Variants in ABR observed in about 807,000 individuals in gnomAD.
ABR encodes the protein active breakpoint cluster region-related protein.
Under a neutral mutation model 107.2 loss-of-function variants are expected in ABR, and 35 were observed. The ratio of observed to expected loss-of-function variants is 0.33; its 90% CI spans 0.25 to 0.43. ABR has a LOEUF of 0.43. Among genes scored for constraint, ABR ranks in the 20% least tolerant of loss-of-function variants. The pLI is 1.00. For synonymous variants in ABR, 498 were observed against 462.0 expected (o/e 1.08, Z -1.00); for missense variants, 815 against 1,115.2 (o/e 0.73, Z 3.83).
chr17:1,050,704 G>C lies in ABR; in HGVS notation c.1562-70C>G, dbSNP rs1004827673. 1 of 1,200,972 alleles carries C rather than the reference G, an allele frequency of 8.3e-7. No individual in the cohort carries two copies. The highest frequency in any genetic ancestry group is 1.2e-6 in the Non-Finnish European group (1 of 807,460). The allele number at this position is 1,200,972 out of a possible 1,614,324, so 74.4% of individuals were successfully genotyped here. On this transcript the variant is annotated intron_variant, in intron 14 of 22. Transcript: ENST00000302538. The surrounding 1 kb of genome is among the most constrained non-coding windows in gnomAD (Gnocchi z 4.6). ...GGTGGGGCAGCTGGGGCGGCACTCA[G>C]GATGGAGGGGGACATCGCATCTGTC... is the stretch of plus-strand genomic sequence containing the variant.
chr17:1,085,297 T>C (rs1335407219), intron 4 of ABR, among the ~76,000 whole-genome samples: 5 of 150,046 alleles, frequency 3.3e-5, no homozygotes. Context: ...TATTTTTTTT[T>C]AGTAGAGACG....
intron 1 of ABR, among the ~76,000 whole-genome samples, chr17:1,197,914 A>G (rs1036733002): frequency 6.6e-6 from 1 of 151,640 alleles, no homozygotes; most frequent in African/African-American, 2.4e-5. Context: ...GGGGGCAAAT[A>G]CACCCTGCTG....
rs970250913 is a variant in ABR at position 1,179,112 on chromosome 17, C to T, written c.61+555G>A. ...ATTTTCAGCTCCCGCATCCAAACGG[C>T]CCCCGCGGATATCTGCACCCCCCGT... On this transcript the variant is annotated intron_variant, in intron 1 of 22. Transcript: ENST00000302538. This position sits in a 1 kb window ranked among gnomAD's most constrained non-coding sequence, Gnocchi z 4.9. 6.6e-6 allele frequency among the ~76,000 whole-genome samples: 1 copy of T among 151,888 alleles called. No homozygotes were observed. Among genetic ancestry groups the T allele is most frequent in the South Asian group, 2.1e-4 (1 of 4,816 alleles).
At position 1,010,522 on chromosome 17, in the gene ABR, G is replaced by T; in HGVS notation, c.2236+207C>A. ...CTGCCCATGGGGACATCAGGGGCAAGAGGCAGGCGAGAAAGGGCCCAGTGT... is the reference window on the plus strand; with the variant it reads ...CTGCCCATGGGGACATCAGGGGCAATAGGCAGGCGAGAAAGGGCCCAGTGT... On this transcript the variant is annotated intron_variant, in intron 20 of 22. Coordinates refer to ENST00000302538, the MANE Select transcript of ABR (RefSeq NM_021962.5). This position sits in a 1 kb window ranked among gnomAD's most constrained non-coding sequence, Gnocchi z 4.1. 1.6e-6 allele frequency: 1 copy of T among 632,324 alleles called. No homozygotes were observed. Among genetic ancestry groups the T allele is most frequent in the Non-Finnish European group, 2.7e-6 (1 of 372,884 alleles). 39.2% of individuals were successfully genotyped at this position (632,324 alleles called of 1,614,324 possible).
chr17:1,134,167 C>G (rs1294939549), intron 1 of ABR, among the ~76,000 whole-genome samples: 2 of 152,080 alleles, frequency 1.3e-5, no homozygotes, highest in Non-Finnish European at 2.9e-5. Context: ...AATCCCAGCA[C>G]TTTGGGAGGC....
chr17:1,032,268 G>A (rs2072867267), intron 16 of ABR, among the ~76,000 whole-genome samples: 1 of 152,092 alleles, frequency 6.6e-6, no homozygotes, highest in East Asian at 1.9e-4. Flanking sequence ...CCCAACTTCT[G>A]CCCCAGGCAC....
chr17:1,220,980 C>T (rs1026676779), intron 1 of ABR, among the ~76,000 whole-genome samples: 6 of 152,160 alleles, frequency 3.9e-5, no homozygotes, highest in African/African-American at 1.4e-4. Context: ...TACTGCCTTG[C>T]ACAGGGCCGT....
At position 1,179,602 on chromosome 17, in the gene ABR, T is replaced by C; in HGVS notation, c.61+65A>G. 7.1e-7 allele frequency: 1 copy of C among 1,409,336 alleles called. No homozygotes were observed. 87.3% of individuals were successfully genotyped at this position (1,409,336 alleles called of 1,614,324 possible). A position where few individuals can be genotyped will look rare whatever the true frequency, so the allele number is the denominator to read the frequency against. Reference sequence around the variant, plus strand: ...TGGGGTCCCGATCCCGATCCTGGGGTCCCGATCTCCATCCTGGGGTCCCGA... The same window carrying C: ...TGGGGTCCCGATCCCGATCCTGGGGCCCCGATCTCCATCCTGGGGTCCCGA... On this transcript the variant is annotated intron_variant, in intron 1 of 22. Transcript: ENST00000302538. This position sits in a 1 kb window ranked among gnomAD's most constrained non-coding sequence, Gnocchi z 4.9.
At chr17:1,158,758 G>C (rs1261787337) in intron 1 of ABR, among the ~76,000 whole-genome samples, 1 of 150,850 alleles carries the variant, frequency 6.6e-6, no homozygotes, top group East Asian at 2.0e-4. Flanking sequence ...GCAAGACTCT[G>C]TCTTAAAAAA....
rs150623481 is a variant in ABR, at chr17:1,066,528, C to T, written c.1182+549G>A. Among the ~76,000 whole-genome samples the T allele has an allele frequency of 1.4e-3, 206 of 152,062 alleles. 1 individual carries two copies. Among genetic ancestry groups the T allele is most frequent in the African/African-American group, 4.8e-3 (199 of 41,476 alleles). On this transcript the variant is annotated intron_variant, in intron 10 of 22. Transcript: ENST00000302538. Reference sequence around the variant, plus strand: ...TTTCTTCTCTTGCTTCCCTCTACCTCCACTTTTTTTTTTTGTTTTTGACAG... The same window carrying T: ...TTTCTTCTCTTGCTTCCCTCTACCTTCACTTTTTTTTTTTGTTTTTGACAG...
In ABR at chr17:1,118,356, G is replaced by A. The variant is rs1267631152; in HGVS notation, c.246+6827C>T. On this transcript the variant is annotated intron_variant, in intron 2 of 22. Coordinates refer to ENST00000302538, the MANE Select transcript of ABR (RefSeq NM_021962.5). ...TGAGTCCTCCCAGCATTATCCCTGA[G>A]CCTGAGTTCCTCCCAGCGTTATCCC... Among the ~76,000 whole-genome samples the A allele has an allele frequency of 2.7e-4, 8 of 29,192 alleles. 1 individual carries two copies. The highest frequency in any genetic ancestry group is 3.3e-4 in the Non-Finnish European group (5 of 15,370). 19.2% of individuals were successfully genotyped at this position (29,192 alleles called of 152,430 possible).
At chr17:1,188,173 A>G (rs2042352543), upstream of ABR, among the ~76,000 whole-genome samples, 1 of 151,776 alleles carries the variant, frequency 6.6e-6, no homozygotes, top group Non-Finnish European at 1.5e-5. Context: ...TACCACTAAC[A>G]CCCCAGCCTG....
Position 1,124,577 on chromosome 17 carries a change from A to G in ABR, c.246+606T>C, listed in dbSNP as rs118071545. 7.8e-3 allele frequency among the ~76,000 whole-genome samples: 1,195 copies of G among 152,342 alleles called. 46 individuals are homozygous for G. In the East Asian group the frequency reaches 0.11, roughly 15 times the overall value. ...ATGACAAGGACCGCAAACCCTCCACAGTTTCTATCCCTGGCCTGTCTCAGA... is the reference window on the plus strand; with the variant it reads ...ATGACAAGGACCGCAAACCCTCCACGGTTTCTATCCCTGGCCTGTCTCAGA... On this transcript the variant is annotated intron_variant, in intron 2 of 22. Transcript: ENST00000302538.
At chr17:1,229,586 G>T (rs2043297815) in exon 1 of ABR, among the ~76,000 whole-genome samples, 2 of 151,868 alleles carry the variant, frequency 1.3e-5, no homozygotes, top group African/African-American at 4.8e-5. Flanking sequence ...CCGCCCCGGG[G>T]AACTCGGCCC....
chr17:1,092,879 G>A lies in ABR; in HGVS notation c.346-1029C>T, dbSNP rs1477124131. Among the ~76,000 whole-genome samples the A allele has an allele frequency of 6.7e-6, 1 of 149,856 alleles. No homozygotes were observed. The highest frequency in any genetic ancestry group is 2.4e-5 in the African/African-American group (1 of 41,004). On this transcript the variant is annotated intron_variant, in intron 3 of 22. Coordinates refer to ENST00000302538, the MANE Select transcript of ABR (RefSeq NM_021962.5). The surrounding 1 kb of genome is among the most constrained non-coding windows in gnomAD (Gnocchi z 4.6). ...GGAGTCTCGCTCTGTCGCCCAGGCT[G>A]GAGTGCAGTGGTGCGATCTCGGCTC...
chr17:1,073,378 C>T (rs920934147), intron 7 of ABR, among the ~76,000 whole-genome samples: 20 of 152,024 alleles, frequency 1.3e-4, no homozygotes, highest in African/African-American at 3.6e-4. Context: ...CAGGAGGCAG[C>T]GGGTGGGGAA....
intron 1 of ABR, among the ~76,000 whole-genome samples, chr17:1,176,056 A>C (rs2041908361): frequency 6.6e-6 from 1 of 151,620 alleles, no homozygotes; most frequent in Non-Finnish European, 1.5e-5. Flanking sequence ...GTGCCACTGC[A>C]CTCCAGCTCC....
In ABR at chr17:1,050,111, G is replaced by A; in HGVS notation, c.1730C>T (p.Thr577Ile). The A allele has an allele frequency of 1.2e-6, 2 of 1,614,128 alleles. No homozygotes were observed. Among genetic ancestry groups the A allele is most frequent in the Non-Finnish European group, 1.7e-6 (2 of 1,180,032 alleles). The change falls in exon 16 of 23, where the codon ACC (threonine) becomes ATC (isoleucine). Residue 577 changes from threonine (T) to isoleucine (I), a missense_variant. By Grantham distance (89) the Thr-to-Ile change is moderately conservative. Coordinates refer to ENST00000302538, the MANE Select transcript of ABR (RefSeq NM_021962.5). The surrounding 1 kb of genome is among the most constrained non-coding windows in gnomAD (Gnocchi z 4.6). The stretch of plus-strand genomic sequence containing the variant: ...CTCATTGTTGTCCTTGTTGACCTTG[G>A]TCTTGTCATAGCACTTCTCATAGCA... ...ILCYEKCYDKTKVNKDNNEIV... is the reference protein window; with the variant it reads ...ILCYEKCYDKIKVNKDNNEIV...
chr17:1,190,891 C>A (rs2042416532), upstream of ABR, among the ~76,000 whole-genome samples: 1 of 152,242 alleles, frequency 6.6e-6, no homozygotes, highest in South Asian at 2.1e-4. Context: ...GATGGAAAAT[C>A]TGGCTTTCAG....
Sources: gnomAD v4.1 joint callset for allele counts (sites outside exome capture counted in the v4.1 genomes callset) on GRCh38, gnomAD v4.1.1 for gene constraint, Gnocchi (gnomAD v3.1) non-coding constraint, MANE v1.5 for transcripts, NCBI Gene and HGNC (gene_info 2026-07-23, HGNC 2026-07-21) for gene names.